TEP1: variants seen among roughly 807,000 people sequenced by gnomAD.
TEP1 encodes the protein telomerase protein component 1.
Under a neutral mutation model 306.3 loss-of-function variants are expected in TEP1, and 241 were observed. The observed-to-expected ratio is 0.79, with a 90% CI of 0.71 to 0.88. TEP1 has a LOEUF of 0.88. TEP1 is among the 40% of genes least tolerant of loss of function. The pLI is 0.00. For synonymous variants in TEP1, 1,289 were observed against 1,305.5 expected, an observed-to-expected ratio of 0.99 and a Z score of 0.27; for missense variants, 3,051 against 3,276.1, an observed-to-expected ratio of 0.93 and a Z score of 1.68.
Position 20,369,719 on chromosome 14 carries a change from G to T in TEP1, c.7378C>A (p.Pro2460Thr), listed in dbSNP as rs1884710701. Residue 2460 changes from proline (P) to threonine (T), a missense_variant, in exon 52 of 55, where the codon CCT (proline) becomes ACT (threonine). By Grantham distance (38) the Pro-to-Thr change is conservative. Coordinates refer to ENST00000262715, the MANE Select transcript of TEP1 (RefSeq NM_007110.5). ...GTTATCGATATTAGGGTCCTACTAG[G>T]ATTCTCTAAGTTTATATCAAAGTTC... ...RLNFDINLEN[P>T]SRTLISITQA... The T allele has an allele frequency of 6.2e-7, 1 of 1,614,002 alleles. No homozygotes were observed. The highest frequency in any genetic ancestry group is 1.1e-5 in the South Asian group (1 of 91,084).
intron 33 of TEP1, 87 bp downstream of exon 33, chr14:20,380,844 C>T: frequency 8.6e-7 from 1 of 1,166,712 alleles, no homozygotes; most frequent in Non-Finnish European, 1.3e-6. Flanking sequence ...ACACCCACAC[C>T]CCTGCCCCAA....
At position 20,408,473 on chromosome 14, in the gene TEP1, G is replaced by C. The variant is rs1297662975; in HGVS notation, c.-24-10C>G. On this transcript the variant is annotated splice_polypyrimidine_tract_variant and intron_variant, in intron 1 of 54. Transcript: ENST00000262715. The stretch of plus-strand genomic sequence containing the variant: ...CTCAGCTTGTATATGCCTAGAAGGA[G>C]AGAAAGACAGGAGATGAGCACCTGG... The C allele has an allele frequency of 6.3e-7, 1 of 1,588,268 alleles. No individual in the cohort carries two copies. The highest frequency in any genetic ancestry group is 8.5e-7 in the Non-Finnish European group (1 of 1,170,610).
In TEP1 at chr14:20,377,449, G is replaced by A. The variant is rs755436356; in HGVS notation, c.5919C>T (p.Ser1973=). The A allele has an allele frequency of 2.7e-5, 43 of 1,614,098 alleles. No homozygotes were observed. The highest frequency in any genetic ancestry group is 1.6e-4 in the Middle Eastern group (1 of 6,062). Residue 1973 remains serine (S), a synonymous_variant, in exon 41 of 55, where the codon TCC becomes TCT. Coordinates refer to ENST00000262715, the MANE Select transcript of TEP1 (RefSeq NM_007110.5). ...AQGQALDVAV[S]ALAWLSPKVL... is the part of the protein sequence containing the mutation. ...CCTTGGGGCTTAGCCAGGCCAGGGC[G>A]GACACTGCCACATCCAGTGCCTGAC...
At chr14:20,398,376 C>CA (rs202032916) in intron 9 of TEP1, among the ~76,000 whole-genome samples, 1,229 of 88,798 alleles carry the variant, frequency 0.014, 18 homozygotes, top group African/African-American at 0.035. Flanking sequence ...AGACTCCGCC[C>CA]AAAAAAAAAA....
chr14:20,372,845 T>C lies in TEP1; in HGVS notation c.6964A>G (p.Ile2322Val). Reference sequence around the variant, plus strand: ...GCCGAGGACCAGATCAGAGCACCAATGTGGCCTGGAGCCTGGTGTACACAA... The same window carrying C: ...GCCGAGGACCAGATCAGAGCACCAACGTGGCCTGGAGCCTGGTGTACACAA... The part of the protein sequence containing the change: ...AVATAQAPGH[I>V]GALIWSSAHT... The change falls in exon 49 of 55, where the codon ATT becomes GTT. Residue 2322 changes from isoleucine to valine, a missense_variant. Around this residue, in one of 3 missense-constraint regions of TEP1, gnomAD observed 1,540 missense variants for 1,705.9 expected, o/e 0.90. Coordinates refer to ENST00000262715, the MANE Select transcript of TEP1 (RefSeq NM_007110.5). The C allele has an allele frequency of 1.9e-6, 3 of 1,614,188 alleles. No homozygotes were observed. The highest frequency in any genetic ancestry group is 2.2e-5 in the South Asian group (2 of 91,080).
In TEP1 at chr14:20,389,748, A is replaced by C. The variant is rs756742930; in HGVS notation, c.2335-8T>G. The C allele has an allele frequency of 1.9e-6, 3 of 1,613,914 alleles. No individual in the cohort carries two copies. The highest frequency in any genetic ancestry group is 3.3e-5 in the Admixed American group (2 of 60,006). ...GAGGATGACCCTGTCCACCTGTAAG[A>C]TGAAAAGGGAGAAGATGCTAGAGAA... On this transcript the variant is annotated splice_region_variant and splice_polypyrimidine_tract_variant and intron_variant, in intron 15 of 54. Transcript: ENST00000262715.
intron 9 of TEP1, among the ~76,000 whole-genome samples, chr14:20,399,713 A>G (rs1216211784): frequency 6.6e-6 from 1 of 151,210 alleles, no homozygotes; most frequent in Non-Finnish European, 1.5e-5. Flanking sequence ...GTATATGATT[A>G]AAAAAAAGAA....
chr14:20,373,202 A>AT, intron 47 of TEP1, 55 bp from the exon 48 acceptor site: 1 of 1,612,792 alleles, frequency 6.2e-7, no homozygotes, highest in Non-Finnish European at 8.5e-7. Context: ...GGGATAAGAG[A>AT]TATCAGGCCA....
chr14:20,370,134 G>A (rs1443474020), intron 51 of TEP1, among the ~76,000 whole-genome samples: 3 of 152,122 alleles, frequency 2.0e-5, no homozygotes, highest in Admixed American at 6.5e-5. Flanking sequence ...GGCTGGTCTC[G>A]AACTCCTGGC....
intron 27 of TEP1, 119 bp from the exon 28 acceptor site, chr14:20,382,834 G>C: frequency 2.3e-6 from 2 of 882,242 alleles, no homozygotes; most frequent in South Asian, 1.4e-5. Context: ...GCAGACGCCA[G>C]GTCCATGGCA....
At position 20,395,856 on chromosome 14, in the gene TEP1, T is replaced by C; in HGVS notation, c.1750+3A>G. Reference sequence around the variant, plus strand: ...AGAGGAGTTGGAAGAAAGGGGAGAATACCTTGATTTCTGAGTTGAGCCTCG... The same window carrying C: ...AGAGGAGTTGGAAGAAAGGGGAGAACACCTTGATTTCTGAGTTGAGCCTCG... On this transcript the variant is annotated splice_donor_region_variant and intron_variant, in intron 11 of 54. Transcript: ENST00000262715. The C allele has an allele frequency of 6.2e-7, 1 of 1,613,082 alleles. No individual in the cohort carries two copies. Among genetic ancestry groups the C allele is most frequent in the East Asian group, 2.2e-5 (1 of 44,858 alleles).
At position 20,383,192 on chromosome 14, in the gene TEP1, C is replaced by T; in HGVS notation, c.4029G>A (p.Glu1343=). The change falls in exon 27 of 55, where the codon GAG becomes GAA. Residue 1343 remains glutamate, a synonymous_variant. Transcript: ENST00000262715. ...ELALYGKRLE[E]SPFNNQMRLL... is the part of the protein sequence containing the mutation. ...ACCCAACCTGGTTGTTAAATGGTGACTCCTCCAGCCGCTTCCCGTACAGGG... is the reference window on the plus strand; with the variant it reads ...ACCCAACCTGGTTGTTAAATGGTGATTCCTCCAGCCGCTTCCCGTACAGGG... 1 of 1,603,906 alleles carries T rather than the reference C, an allele frequency of 6.2e-7. No individual in the cohort carries two copies. Among genetic ancestry groups the T allele is most frequent in the Non-Finnish European group, 8.5e-7 (1 of 1,175,634 alleles).
Position 20,377,272 on chromosome 14 carries a change from A to G in TEP1, c.6088+8T>C. 7 of 1,606,032 alleles carry G rather than the reference A, an allele frequency of 4.4e-6. No individual in the cohort carries two copies. Among genetic ancestry groups the G allele is most frequent in the Non-Finnish European group, 5.1e-6 (6 of 1,174,074 alleles). On this transcript the variant is annotated splice_region_variant and intron_variant, in intron 41 of 54. Coordinates refer to ENST00000262715, the MANE Select transcript of TEP1 (RefSeq NM_007110.5). ...AATTTGTTAACCCTGCCCACTGTCT[A>G]GTAGTACCTGAGGCAGAAGCCAAGA...
rs902843554 is a variant in TEP1 at position 20,367,753 on chromosome 14, T to G, written c.*684A>C. ...CCTCCCAAGTAGCTGGGACTACAGG[T>G]GCCCGCCGCCACACCTGGCTAACTT... On this transcript the variant is annotated 3_prime_UTR_variant, in exon 55 of 55. Coordinates refer to ENST00000262715, the MANE Select transcript of TEP1 (RefSeq NM_007110.5). 2 of 152,082 alleles carry G rather than the reference T, an allele frequency of 1.3e-5. No homozygotes were observed. The highest frequency in any genetic ancestry group is 4.8e-5 in the African/African-American group (2 of 41,314). The allele number at this position is 152,082 out of a possible 1,614,324, so 9.4% of individuals were successfully genotyped here. A position where few individuals can be genotyped will look rare whatever the true frequency, so the allele number is the denominator to read the frequency against.
intron 15 of TEP1, 94 bp downstream of exon 15, chr14:20,390,587 G>T: frequency 4.2e-6 from 5 of 1,201,892 alleles, no homozygotes; most frequent in Non-Finnish European, 6.1e-6. Flanking sequence ...GTATGTGGTT[G>T]GAGAAGTCAG....
chr14:20,403,354 C>G, intron 7 of TEP1, 23 bp downstream of exon 7: 1 of 1,613,580 alleles, frequency 6.2e-7, no homozygotes, highest in Non-Finnish European at 8.5e-7. Context: ...TGCACATATA[C>G]AACCCCAGAA....
In TEP1 at chr14:20,389,307, G is replaced by T. The variant is rs146350871; in HGVS notation, c.2466-10C>A. On this transcript the variant is annotated splice_polypyrimidine_tract_variant and intron_variant, in intron 16 of 54. Transcript: ENST00000262715. ...ATTCAAATCTGTTGACCTGGCAAAG[G>T]AAGAAGCAGTCATTAACCATCACAA... 1,129 of 1,614,148 alleles carry T rather than the reference G, an allele frequency of 7.0e-4. 6 individuals carry two copies. The African/African-American group carries it at 0.013, about 18-fold the overall frequency.
In TEP1 at chr14:20,390,947, A is replaced by G. The variant is rs768920792; in HGVS notation, c.2247T>C (p.Ala749=). The G allele has an allele frequency of 6.2e-7, 1 of 1,614,026 alleles. No homozygotes were observed. Among genetic ancestry groups the G allele is most frequent in the Admixed American group, 1.7e-5 (1 of 60,006 alleles). Reference sequence around the variant, plus strand: ...GTGTTGAGTGTCTGACCTGGACTTGAGCCTGGAGCTTGATGGCAGTCTTCA... The same window carrying G: ...GTGTTGAGTGTCTGACCTGGACTTGGGCCTGGAGCTTGATGGCAGTCTTCA... ...GILKTAIKLQ[A]QVQEFDENDG... Residue 749 remains alanine, a synonymous_variant, in exon 14 of 55, where the codon GCT becomes GCC. Coordinates refer to ENST00000262715, the MANE Select transcript of TEP1 (RefSeq NM_007110.5).
chr14:20,403,559 A>T (rs1270122061), intron 6 of TEP1, 111 bp from the exon 7 acceptor site: 1 of 1,589,028 alleles, frequency 6.3e-7, no homozygotes, highest in Non-Finnish European at 8.5e-7. Flanking sequence ...CAACTAGAAA[A>T]GAAGACTGCC....
Sources: allele counts gnomAD v4.1 joint callset (sites outside exome capture counted in the v4.1 genomes callset), GRCh38; gene constraint gnomAD v4.1.1; regional missense constraint gnomAD v4.1.1; transcripts MANE v1.5; gene names NCBI Gene and HGNC (gene_info 2026-07-23, HGNC 2026-07-21).